VIL1: variants seen among roughly 807,000 people sequenced by gnomAD.
VIL1 encodes villin-1.
VIL1 carries 86 observed loss-of-function variants against 104.0 expected under a neutral mutation model. The observed-to-expected ratio is 0.83, with a 90% CI of 0.69 to 0.99. VIL1 has a LOEUF of 0.99. Ranked by LOEUF, VIL1 falls within the 50% of genes least tolerant of loss-of-function variation. VIL1 has a pLI of 0.00. For synonymous variants in VIL1, 394 were observed against 412.6 expected (o/e 0.95, Z 0.55); for missense variants, 944 against 1,054.1 (o/e 0.90, Z 1.45).
chr2:218,429,750 G>T (rs1689064543), intron 8 of VIL1, 75 bp downstream of exon 8: 2 of 1,602,790 alleles, frequency 1.2e-6, no homozygotes, highest in East Asian at 4.5e-5. Flanking sequence ...ATTCCAGGGG[G>T]CTTGGGGTGG....
At chr2:218,448,520 C>T (rs1255578224) in intron 19 of VIL1, among the ~76,000 whole-genome samples, 6 of 150,792 alleles carry the variant, frequency 4.0e-5, no homozygotes, top group Admixed American at 6.6e-5. Flanking sequence ...CGAGATCGTG[C>T]GCCACTGCTC....
chr2:218,434,197 C>CAAAAAA (rs772237911), intron 13 of VIL1, among the ~76,000 whole-genome samples: 4 of 92,110 alleles, frequency 4.3e-5, no homozygotes, highest in African/African-American at 1.6e-4. Flanking sequence ...AACTCCGTCT[C>CAAAAAA]AAAAAAAAAA....
At chr2:218,425,451 G>C (rs1688963846) in intron 3 of VIL1, among the ~76,000 whole-genome samples, 164 bp from the exon 4 acceptor site, 1 of 152,206 alleles carries the variant, frequency 6.6e-6, no homozygotes. Flanking sequence ...AGAGTCAATG[G>C]TAGAGCTGGG....
intron 1 of VIL1, among the ~76,000 whole-genome samples, chr2:218,421,985 G>A (rs1324086183): frequency 6.6e-6 from 1 of 152,188 alleles, no homozygotes; most frequent in Admixed American, 6.5e-5. Flanking sequence ...CCGGCGCGGT[G>A]GCTCACGCCT....
At chr2:218,433,916 G>C (rs986519417) in intron 13 of VIL1, among the ~76,000 whole-genome samples, 1 of 149,392 alleles carries the variant, frequency 6.7e-6, no homozygotes, top group South Asian at 2.1e-4. Context: ...AAAAAAAAAG[G>C]CTAGGCGCTG....
chr2:218,447,915 A>G (rs746370069), intron 19 of VIL1, among the ~76,000 whole-genome samples: 2 of 152,054 alleles, frequency 1.3e-5, no homozygotes, highest in African/African-American at 2.4e-5. Context: ...GTATACTTTC[A>G]TATGTAGTAT....
At position 218,425,711 on chromosome 2, in the gene VIL1, A is replaced by G. The variant is rs773804697; in HGVS notation, c.247A>G (p.Thr83Ala). 6.2e-7 allele frequency: 1 copy of G among 1,613,976 alleles called. No homozygotes were observed. Among genetic ancestry groups the G allele is most frequent in the East Asian group, 2.2e-5 (1 of 44,890 alleles). ...GCAGGGGGCAGCTGCCATCTACACC[A>G]CACAGATGGATGACTTCCTGAAGGG... ...DEQGAAAIYTTQMDDFLKGRA... is the reference protein window; with the variant it reads ...DEQGAAAIYTAQMDDFLKGRA... The change falls in exon 4 of 20, where the codon ACA becomes GCA. Residue 83 changes from threonine (T) to alanine (A), a missense_variant. By Grantham distance (58) the Thr-to-Ala change is moderately conservative. Coordinates refer to ENST00000248444, the MANE Select transcript of VIL1 (RefSeq NM_007127.3).
At chr2:218,448,738 C>G (rs1348819227) in intron 19 of VIL1, among the ~76,000 whole-genome samples, 1 of 151,958 alleles carries the variant, frequency 6.6e-6, no homozygotes, top group Non-Finnish European at 1.5e-5. Flanking sequence ...GGTGTGCTGG[C>G]TCACACCTGT....
chr2:218,419,965 T>C (rs1015246975), intron 1 of VIL1, among the ~76,000 whole-genome samples: 1 of 152,112 alleles, frequency 6.6e-6, no homozygotes, highest in Admixed American at 6.6e-5. Context: ...CCCTCTTCTA[T>C]CATGAGCCTG....
intron 19 of VIL1, among the ~76,000 whole-genome samples, chr2:218,444,346 C>T (rs1205468758): frequency 6.6e-6 from 1 of 151,760 alleles, no homozygotes; most frequent in Non-Finnish European, 1.5e-5. Context: ...GTGGCACGAT[C>T]TCGGTTCACT....
At chr2:218,424,471 C>A (rs1167324454) in intron 3 of VIL1, 120 bp downstream of exon 3, 2 of 1,066,908 alleles carry the variant, frequency 1.9e-6, no homozygotes, top group Non-Finnish European at 2.8e-6. Context: ...ACACAATTTA[C>A]TGGGTATGCC....
In VIL1 at chr2:218,453,026, C is replaced by G. The variant is rs1169978533; in HGVS notation, c.*3690C>G. The stretch of plus-strand genomic sequence containing the variant: ...ACTCTGGCGTTTTCTACCACTCTAC[C>G]ATTTTGGAACATTCATTACAATAAG... On this transcript the variant is annotated 3_prime_UTR_variant, in exon 20 of 20. Transcript: ENST00000248444. 1 of 152,158 alleles carries G rather than the reference C, an allele frequency of 6.6e-6. No homozygotes were observed. The highest frequency in any genetic ancestry group is 6.5e-5 in the Admixed American group (1 of 15,270). 9.4% of individuals were successfully genotyped at this position (152,158 alleles called of 1,614,324 possible).
chr2:218,429,984 C>A, intron 9 of VIL1, 37 bp downstream of exon 9: 1 of 1,560,726 alleles, frequency 6.4e-7, no homozygotes, highest in Non-Finnish European at 8.8e-7. Context: ...AGGAGGAGGG[C>A]AGAGTGATGG....
chr2:218,435,343 C>T lies in VIL1; in HGVS notation c.1735C>T (p.Arg579Trp), dbSNP rs146226771. 140 of 1,614,082 alleles carry T rather than the reference C, an allele frequency of 8.7e-5. No homozygotes were observed. The African/African-American group carries it at 1.3e-3, about 15-fold the overall frequency. Residue 579 changes from arginine (R) to tryptophan (W), a missense_variant, in exon 15 of 20, where the codon CGG becomes TGG. By Grantham distance (101) the Arg-to-Trp change is moderately radical. Coordinates refer to ENST00000248444, the MANE Select transcript of VIL1 (RefSeq NM_007127.3). ...MAKMVADTIS[R>W]TEKQVVVEGQ... is the part of the protein sequence containing the mutation. ...CAAGATGGTTGCTGACACCATCTCC[C>T]GGACGGAGAAGCAAGTGGTGGTGGA...
chr2:218,424,206 T>C, intron 2 of VIL1, 71 bp from the exon 3 acceptor site: 1 of 1,402,810 alleles, frequency 7.1e-7, no homozygotes. Flanking sequence ...CTCCTCCCCT[T>C]GGGCCCTCCT....
At chr2:218,431,120 G>C (rs369328695) in intron 10 of VIL1, 6 of 583,628 alleles carry the variant, frequency 1.0e-5, no homozygotes, top group Non-Finnish European at 1.8e-5. Context: ...AGGCTGAGGC[G>C]GGTGGATCAC....
At chr2:218,430,573 G>T in intron 9 of VIL1, 152 bp from the exon 10 acceptor site, 1 of 975,548 alleles carries the variant, frequency 1.0e-6, no homozygotes, top group East Asian at 2.8e-5. Flanking sequence ...GGGTTAGGTT[G>T]GGGATTAGCA....
At chr2:218,431,104 T>C (rs1689088591) in intron 10 of VIL1, 8 of 625,394 alleles carry the variant, frequency 1.3e-5, no homozygotes, top group Admixed American at 9.5e-5. Context: ...ATCCCAGCAC[T>C]TTGGGAGGCT....
intron 19 of VIL1, among the ~76,000 whole-genome samples, chr2:218,441,896 A>G (rs1438503320): frequency 1.3e-5 from 2 of 152,290 alleles, no homozygotes; most frequent in East Asian, 3.9e-4. Flanking sequence ...CTGAGGCAGG[A>G]GAATCACTTG....
Sources: gnomAD v4.1 joint callset for allele counts (sites outside exome capture counted in the v4.1 genomes callset) on GRCh38, gnomAD v4.1.1 for gene constraint, MANE v1.5 for transcripts, NCBI Gene and HGNC (gene_info 2026-07-23, HGNC 2026-07-21) for gene names.